The following PTRH2 variants were observed in gnomAD, a reference collection of about 807,000 sequenced individuals.
The protein encoded by PTRH2 is peptidyl-tRNA hydrolase 2, mitochondrial.
A neutral mutation model predicts 12.3 loss-of-function variants in PTRH2; 10 were observed. The ratio of observed to expected loss-of-function variants is 0.81; its 90% CI spans 0.50 to 1.38. The LOEUF (loss-of-function observed/expected upper bound fraction) is 1.38. PTRH2 is among the 40% of genes most tolerant of loss of function. The pLI is 0.00. For synonymous variants in PTRH2, 73 were observed against 77.4 expected (o/e 0.94, Z 0.30); for missense variants, 176 against 214.1 (o/e 0.82, Z 1.11).
chr17:59,702,351 TACACA>T (rs910510405), intron 1 of PTRH2, among the ~76,000 whole-genome samples: 2 of 152,188 alleles, frequency 1.3e-5, no homozygotes, highest in African/African-American at 4.8e-5. Context: ...TCATAAGAAG[TACACA>T]ACACAGATCC....
intron 1 of PTRH2, among the ~76,000 whole-genome samples, chr17:59,705,698 A>G (rs1598262003): frequency 6.6e-6 from 1 of 152,308 alleles, no homozygotes; most frequent in East Asian, 1.9e-4. Flanking sequence ...CAGCATCTCG[A>G]GTCCAGTTCA....
At position 59,697,696 on chromosome 17, in the gene PTRH2, T is replaced by C. The variant is rs2033466423; in HGVS notation, c.283A>G (p.Lys95Glu). 5.6e-6 allele frequency: 9 copies of C among 1,614,222 alleles called. No individual in the cohort carries two copies. The highest frequency in any genetic ancestry group is 7.6e-6 in the Non-Finnish European group (9 of 1,180,030). Residue 95 changes from lysine to glutamate, a missense_variant, in exon 2 of 2, where the codon AAG becomes GAG. Transcript: ENST00000393038. ...TCAGGATTTCTTCTTTGAATCTGCT[T>C]GTAGGCTGAAACAGCAGCATGAGAG... ...QCSHAAVSAYKQIQRRNPEML... is the reference protein window; with the variant it reads ...QCSHAAVSAYEQIQRRNPEML...
intron 1 of PTRH2, among the ~76,000 whole-genome samples, chr17:59,706,462 A>AT (rs1469113718): frequency 6.6e-6 from 1 of 151,916 alleles, no homozygotes; most frequent in Non-Finnish European, 1.5e-5. Context: ...AAAGTGTTGG[A>AT]TTACAGGCTG....
Position 59,697,643 on chromosome 17 carries a change from G to A in PTRH2, c.336C>T (p.Gly112=), listed in dbSNP as rs369388812. 6.2e-7 allele frequency: 1 copy of A among 1,614,056 alleles called. No individual in the cohort carries two copies. Among genetic ancestry groups the A allele is most frequent in the Non-Finnish European group, 8.5e-7 (1 of 1,180,036 alleles). The part of the protein sequence containing the change: ...PEMLKQWEYC[G]QPKVVVKAPD... ...GAGCTTTGACCACCACCTTGGGCTG[G>A]CCACAGTATTCCCATTGTTTGAGCA... Residue 112 remains glycine (G), a synonymous_variant, in exon 2 of 2, where the codon GGC becomes GGT. Transcript: ENST00000393038.
intron 1 of PTRH2, chr17:59,698,526 G>A (rs943118045): frequency 6.7e-5 from 16 of 240,492 alleles, no homozygotes; most frequent in Non-Finnish European, 1.1e-4. Flanking sequence ...CGTGAGTGCA[G>A]CTGAAAAACT....
chr17:59,699,699 G>A (rs968514386), intron 1 of PTRH2: 15 of 152,784 alleles, frequency 9.8e-5, no homozygotes, highest in African/African-American at 3.6e-4. Context: ...TGACGATTTC[G>A]CTGCATCACT....
intron 1 of PTRH2, among the ~76,000 whole-genome samples, chr17:59,703,846 T>C (rs2033596861): frequency 7.5e-6 from 1 of 133,370 alleles, no homozygotes; most frequent in African/African-American, 2.9e-5. Context: ...TCTCACTCTA[T>C]TGCCAGGCTG....
chr17:59,704,368 A>G (rs895634006), intron 1 of PTRH2, among the ~76,000 whole-genome samples: 2 of 152,260 alleles, frequency 1.3e-5, no homozygotes, highest in African/African-American at 2.4e-5. Flanking sequence ...GTTCTGAACA[A>G]AAGACATCTC....
At chr17:59,699,112 T>A (rs2033508483) in intron 1 of PTRH2, 2 of 526,538 alleles carry the variant, frequency 3.8e-6, no homozygotes, top group African/African-American at 4.0e-5. Flanking sequence ...TTCTTTTCAC[T>A]ATATATTTCT....
intron 1 of PTRH2, among the ~76,000 whole-genome samples, chr17:59,704,875 G>A (rs565103835): frequency 5.9e-5 from 9 of 152,038 alleles, no homozygotes; most frequent in African/African-American, 2.2e-4. Flanking sequence ...TGCAACCTCT[G>A]CCTCCGGGTT....
chr17:59,701,091 A>G (rs2033546845), intron 1 of PTRH2: 1 of 152,076 alleles, frequency 6.6e-6, no homozygotes, highest in African/African-American at 2.4e-5. Context: ...AGACATACAA[A>G]CTAACCTCCA....
intron 1 of PTRH2, among the ~76,000 whole-genome samples, chr17:59,706,853 A>G (rs971826144): frequency 6.6e-6 from 1 of 151,724 alleles, no homozygotes; most frequent in African/African-American, 2.4e-5. Flanking sequence ...TTGTATTTTT[A>G]GTATAGATGG....
chr17:59,706,230 C>T (rs1311269024), intron 1 of PTRH2, among the ~76,000 whole-genome samples: 1 of 152,178 alleles, frequency 6.6e-6, no homozygotes, highest in Non-Finnish European at 1.5e-5. Context: ...GACAGCAGAA[C>T]AAAATAAGTA....
At chr17:59,704,201 A>T (rs1368154767) in intron 1 of PTRH2, among the ~76,000 whole-genome samples, 1 of 152,210 alleles carries the variant, frequency 6.6e-6, no homozygotes, top group Admixed American at 6.5e-5. Flanking sequence ...AATGAGAAAT[A>T]AAAAAAGTGT....
intron 1 of PTRH2, among the ~76,000 whole-genome samples, chr17:59,704,747 T>C (rs996613259): frequency 6.6e-6 from 1 of 152,096 alleles, no homozygotes; most frequent in Non-Finnish European, 1.5e-5. Flanking sequence ...ATGGTTCTAG[T>C]GCCTTTACAG....
chr17:59,699,052 T>C (rs933059200), intron 1 of PTRH2: 9 of 584,956 alleles, frequency 1.5e-5, no homozygotes, highest in East Asian at 5.7e-5. Flanking sequence ...TTAGCAAGCA[T>C]AGTGTTGTTC....
At chr17:59,705,554 G>T (rs573249161) in intron 1 of PTRH2, among the ~76,000 whole-genome samples, 1 of 152,066 alleles carries the variant, frequency 6.6e-6, no homozygotes, top group East Asian at 1.9e-4. Context: ...CAAGTAGATG[G>T]GACTACAGGT....
rs1333566913 is a variant in PTRH2, at chr17:59,697,729, C to T, written c.250G>A (p.Ala84Thr). The change falls in exon 2 of 2, where the codon GCC (alanine) becomes ACC (threonine). Residue 84 changes from alanine (A) to threonine (T), a missense_variant. Transcript: ENST00000393038. ...DLKMGKGKVA[A>T]QCSHAAVSAY... ...GAAACAGCAGCATGAGAGCACTGGGCAGCCACTTTCCCTTTTCCCATCTTT... is the reference window on the plus strand; with the variant it reads ...GAAACAGCAGCATGAGAGCACTGGGTAGCCACTTTCCCTTTTCCCATCTTT... 6.2e-7 allele frequency: 1 copy of T among 1,614,202 alleles called. No individual in the cohort carries two copies. Among genetic ancestry groups the T allele is most frequent in the East Asian group, 2.2e-5 (1 of 44,888 alleles).
chr17:59,697,530 T>A lies in PTRH2; in HGVS notation c.449A>T (p.Gln150Leu), dbSNP rs777422769. ...GACAGTTTGAGAGCCTGGTGCAATC[T>A]GAGTACGTCCAGCATCTTGAATTAA... is the stretch of plus-strand genomic sequence containing the variant. ...VSLIQDAGRT[Q>L]IAPGSQTVLG... The change falls in exon 2 of 2, where the codon CAG becomes CTG. Residue 150 changes from glutamine (Q) to leucine (L), a missense_variant. Physicochemically the swap from Gln to Leu is moderately radical, Grantham distance 113. Coordinates refer to ENST00000393038, the MANE Select transcript of PTRH2 (RefSeq NM_016077.5). 6.8e-6 allele frequency: 11 copies of A among 1,614,218 alleles called. No homozygotes were observed. In the East Asian group the frequency reaches 2.0e-4, roughly 29 times the overall value.
Sources: gnomAD v4.1 joint callset for allele counts (sites outside exome capture counted in the v4.1 genomes callset) on GRCh38, gnomAD v4.1.1 for gene constraint, MANE v1.5 for transcripts, NCBI Gene and HGNC (gene_info 2026-07-23, HGNC 2026-07-21) for gene names.